FLT4: variants seen among roughly 807,000 people sequenced by gnomAD.
FLT4 encodes vascular endothelial growth factor receptor 3.
A neutral mutation model predicts 163.2 loss-of-function variants in FLT4; 30 were observed. That is an observed-to-expected ratio of 0.18 (90% CI 0.14 to 0.25). The LOEUF (loss-of-function observed/expected upper bound fraction) is 0.25. Ranked by LOEUF, FLT4 falls within the 10% of genes least tolerant of loss-of-function variation. The pLI, the probability that FLT4 is intolerant of heterozygous loss-of-function variation, is 1.00. For synonymous variants in FLT4, 884 were observed against 789.5 expected (o/e 1.12, Z -2.01); for missense variants, 1,510 against 1,863.8 (o/e 0.81, Z 3.50).
At chr5:180,612,452 G>A (rs868414985) in intron 26 of FLT4, 54 bp downstream of exon 26, 1 of 1,343,060 alleles carries the variant, frequency 7.4e-7, no homozygotes, top group African/African-American at 1.4e-5. Context: ...TCGGGCCAGG[G>A]ACCCAGGGCA....
At chr5:180,643,094 G>C (rs560872860) in intron 1 of FLT4, among the ~76,000 whole-genome samples, 98 of 152,368 alleles carry the variant, frequency 6.4e-4, no homozygotes, top group African/African-American at 2.3e-3. Context: ...ACAGATGTCT[G>C]TATAATTTGC....
In FLT4 at chr5:180,630,018, C is replaced by T. The variant is rs767670443; in HGVS notation, c.601G>A (p.Ala201Thr). 3.1e-6 allele frequency: 5 copies of T among 1,612,834 alleles called. No individual in the cohort carries two copies. The East Asian group carries it at 1.1e-4, about 36-fold the overall frequency. ...GTGGTCTCGCACTGCAGGTACAGGGCATCGTGCAGCAGTGGCGTGGACACG... is the reference window on the plus strand; with the variant it reads ...GTGGTCTCGCACTGCAGGTACAGGGTATCGTGCAGCAGTGGCGTGGACACG... ...MLVSTPLLHD[A>T]LYLQCETTWG... The change falls in exon 5 of 30, where the codon GCC becomes ACC. Residue 201 changes from alanine (A) to threonine (T), a missense_variant. Physicochemically the swap from Ala to Thr is moderately conservative, Grantham distance 58. Coordinates refer to ENST00000261937, the MANE Select transcript of FLT4 (RefSeq NM_182925.5). The surrounding 1 kb of genome is among the most constrained non-coding windows in gnomAD (Gnocchi z 6.3).
rs143098805 is a variant in FLT4, at chr5:180,626,158, G to T, written c.1211C>A (p.Ser404Tyr). 1 of 1,612,768 alleles carries T rather than the reference G, an allele frequency of 6.2e-7. No homozygotes were observed. Among genetic ancestry groups the T allele is most frequent in the African/African-American group, 1.3e-5 (1 of 74,930 alleles). ...TGTYTLALWN[S>Y]AAGLRRNISL... ...GATGTTGCGCCTCAGGCCAGCAGCG[G>T]AGTTCCACAGGGCGAGGGTGTAGGT... is the stretch of plus-strand genomic sequence containing the variant. The change falls in exon 9 of 30, where the codon TCC becomes TAC. Residue 404 changes from serine to tyrosine, a missense_variant. Ser to Tyr is a moderately radical substitution (Grantham distance 144). Around this residue, in one of 5 missense-constraint regions of FLT4, gnomAD observed 878 missense variants for 1,016.7 expected, o/e 0.86. Transcript: ENST00000261937.
chr5:180,604,622 C>CCCTGCCCTCCTCTCTG (rs2127783104), intron 29 of FLT4, among the ~76,000 whole-genome samples: 1 of 152,320 alleles, frequency 6.6e-6, no homozygotes, highest in East Asian at 1.9e-4. Context: ...TGGTTTCTGC[C>CCCTGCCCTCCTCTCTG]CCTGCCCTCC....
chr5:180,643,150 G>T (rs1765248487), intron 1 of FLT4, among the ~76,000 whole-genome samples: 1 of 152,214 alleles, frequency 6.6e-6, no homozygotes, highest in African/African-American at 2.4e-5. Flanking sequence ...ATCAGCGTGG[G>T]AAACCCTGCT....
Position 180,621,875 on chromosome 5 carries a change from T to G in FLT4, c.1687A>C (p.Lys563Gln). 5 of 1,613,496 alleles carry G rather than the reference T, an allele frequency of 3.1e-6. 1 individual carries two copies. In the South Asian group the frequency reaches 5.5e-5, roughly 18 times the overall value. ...CCCTCTAGTAGCTCCTCGGATGGCT[T>G]GGATTCGATGGTGAAGCCGTCGGGG... Reference protein sequence around the residue: ...TIPDGFTIESKPSEELLEGQP... With the variant: ...TIPDGFTIESQPSEELLEGQP... The change falls in exon 13 of 30, where the codon AAG (lysine) becomes CAG (glutamine). Residue 563 changes from lysine to glutamine, a missense_variant. Lys to Gln is a moderately conservative substitution (Grantham distance 53). Around this residue, in one of 5 missense-constraint regions of FLT4, gnomAD observed 878 missense variants for 1,016.7 expected, o/e 0.86. Transcript: ENST00000261937.
upstream of FLT4, among the ~76,000 whole-genome samples, chr5:180,649,796 G>C (rs1245297726): frequency 6.6e-6 from 1 of 152,020 alleles, no homozygotes; most frequent in Non-Finnish European, 1.5e-5. Context: ...CCGGGCGCGG[G>C]GACGCGGGTA....
At position 180,607,860 on chromosome 5, in the gene FLT4, A is replaced by C. The variant is rs1761886216; in HGVS notation, c.3893+1108T>G. Reference sequence around the variant, plus strand: ...CAGGTGCTGAAGGGACATTGTGAGAAGTGACCTAGAAGGCAAGAGGTGAGC... The same window carrying C: ...CAGGTGCTGAAGGGACATTGTGAGACGTGACCTAGAAGGCAAGAGGTGAGC... On this transcript the variant is annotated intron_variant, in intron 29 of 29. Transcript: ENST00000261937. The C allele has an allele frequency of 1.3e-5, 7 of 543,608 alleles. No individual in the cohort carries two copies. In the Admixed American group the frequency reaches 1.3e-4, roughly 10 times the overall value. 33.7% of individuals were successfully genotyped at this position (543,608 alleles called of 1,614,324 possible).
At chr5:180,603,466 A>ATG in intron 29 of FLT4, 76 bp from the exon 30 acceptor site, 4 of 1,379,712 alleles carry the variant, frequency 2.9e-6, no homozygotes, top group Non-Finnish European at 4.1e-6. Context: ...TAATCCCAGT[A>ATG]CTTGGGAGGC....
In FLT4 at chr5:180,630,527, T is replaced by G; in HGVS notation, c.400+28A>C. On this transcript the variant is annotated intron_variant, in intron 3 of 29. Transcript: ENST00000261937. The surrounding 1 kb of genome is among the most constrained non-coding windows in gnomAD (Gnocchi z 6.3). Reference sequence around the variant, plus strand: ...GGGCCCCAGCTGCCCGGGACCCTGCTCCAGCCTGGCCCGCCTCCAAGTCTC... The same window carrying G: ...GGGCCCCAGCTGCCCGGGACCCTGCGCCAGCCTGGCCCGCCTCCAAGTCTC... 6.2e-7 allele frequency: 1 copy of G among 1,611,828 alleles called. No individual in the cohort carries two copies. The highest frequency in any genetic ancestry group is 1.1e-5 in the South Asian group (1 of 91,014).
chr5:180,649,981 C>T (rs1473165157), upstream of FLT4, among the ~76,000 whole-genome samples: 1 of 151,904 alleles, frequency 6.6e-6, no homozygotes, highest in Non-Finnish European at 1.5e-5. Flanking sequence ...GTGGCACCAG[C>T]CGGCGTAACA....
intron 18 of FLT4, 79 bp downstream of exon 18, chr5:180,619,586 G>A (rs1397268220): frequency 3.4e-6 from 4 of 1,179,398 alleles, no homozygotes; most frequent in Non-Finnish European, 5.1e-6. Flanking sequence ...CTCCCTTCCC[G>A]AGTTGCCGTC....
Position 180,621,913 on chromosome 5 carries a change from G to T in FLT4, c.1658-9C>A, listed in dbSNP as rs1394270279. On this transcript the variant is annotated splice_polypyrimidine_tract_variant and intron_variant, in intron 12 of 29. Transcript: ENST00000261937. Reference sequence around the variant, plus strand: ...GAAGCCGTCGGGGATGGCTGTGGAGGGAGGAAGAAGCCCTGTGGCACTGCC... The same window carrying T: ...GAAGCCGTCGGGGATGGCTGTGGAGTGAGGAAGAAGCCCTGTGGCACTGCC... 3.7e-6 allele frequency: 6 copies of T among 1,613,172 alleles called. No individual in the cohort carries two copies. Among genetic ancestry groups the T allele is most frequent in the Non-Finnish European group, 8.5e-7 (1 of 1,179,936 alleles).
In FLT4 at chr5:180,629,809, A is replaced by G. The variant is rs1763942810; in HGVS notation, c.703T>C (p.Leu235=). The change falls in exon 6 of 30, where the codon TTG becomes CTG. Residue 235 remains leucine (L), a synonymous_variant. Coordinates refer to ENST00000261937, the MANE Select transcript of FLT4 (RefSeq NM_182925.5). ...AGCAGCTCCAGCGACTTCCTGGGCAACAGCTGGATGTCATAGAGCTCGTTG... is the reference window on the plus strand; with the variant it reads ...AGCAGCTCCAGCGACTTCCTGGGCAGCAGCTGGATGTCATAGAGCTCGTTG... ...TGNELYDIQL[L]PRKSLELLVG... 4 of 1,612,622 alleles carry G rather than the reference A, an allele frequency of 2.5e-6. No individual in the cohort carries two copies. Among genetic ancestry groups the G allele is most frequent in the Non-Finnish European group, 2.5e-6 (3 of 1,179,876 alleles).
At chr5:180,629,119 G>C in intron 7 of FLT4, 120 bp from the exon 8 acceptor site, 1 of 1,436,264 alleles carries the variant, frequency 7.0e-7, no homozygotes. Flanking sequence ...GGCTGGCCAT[G>C]CCGCCCGGTG....
chr5:180,630,843 A>G lies in FLT4; in HGVS notation c.156-44T>C, dbSNP rs374406507. The G allele has an allele frequency of 1.3e-4, 208 of 1,565,470 alleles. No homozygotes were observed. Among genetic ancestry groups the G allele is most frequent in the Non-Finnish European group, 1.7e-4 (197 of 1,160,632 alleles). The stretch of plus-strand genomic sequence containing the variant: ...GGTCAGGTGGGCCCCAGGGCAGCCC[A>G]TGGGGACTGTCCCTGAGAAGCCTCC... On this transcript the variant is annotated intron_variant, in intron 2 of 29. Coordinates refer to ENST00000261937, the MANE Select transcript of FLT4 (RefSeq NM_182925.5). This position sits in a 1 kb window ranked among gnomAD's most constrained non-coding sequence, Gnocchi z 6.3.
chr5:180,650,165 G>A (rs1765669343), upstream of FLT4, among the ~76,000 whole-genome samples: 1 of 99,392 alleles, frequency 1.0e-5, no homozygotes, highest in Non-Finnish European at 2.0e-5. Flanking sequence ...TCCAGTCTGG[G>A]AGCCAAAAAA....
chr5:180,625,816 T>C, intron 10 of FLT4, 53 bp downstream of exon 10: 1 of 1,570,832 alleles, frequency 6.4e-7, no homozygotes, highest in Admixed American at 1.7e-5. Context: ...TCCTCATGGC[T>C]GAGGCTGGGG....
intron 29 of FLT4, among the ~76,000 whole-genome samples, chr5:180,605,702 C>A (rs1226740829): frequency 6.6e-6 from 1 of 152,218 alleles, no homozygotes; most frequent in African/African-American, 2.4e-5. Flanking sequence ...TCATACACGT[C>A]CCGTATCATC....
Sources: gnomAD v4.1 joint callset for allele counts (sites outside exome capture counted in the v4.1 genomes callset) on GRCh38, gnomAD v4.1.1 for gene constraint, gnomAD v4.1.1 regional missense constraint, Gnocchi (gnomAD v3.1) non-coding constraint, MANE v1.5 for transcripts, NCBI Gene and HGNC (gene_info 2026-07-23, HGNC 2026-07-21) for gene names.